USP31: variants seen among roughly 807,000 people sequenced by gnomAD.
USP31 encodes the protein ubiquitin specific peptidase 31.
A neutral mutation model predicts 119.4 loss-of-function variants in USP31; 44 were observed. The observed-to-expected ratio is 0.37, with a 90% CI of 0.29 to 0.47. USP31 has a LOEUF of 0.47. USP31 is among the 20% of genes least tolerant of loss of function. The pLI is 0.99. For synonymous variants in USP31, 749 were observed against 705.6 expected, an observed-to-expected ratio of 1.06 and a Z score of -0.97; for missense variants, 1,643 against 1,730.2, an observed-to-expected ratio of 0.95 and a Z score of 0.89.
intron 1 of USP31, among the ~76,000 whole-genome samples, chr16:23,124,226 A>G (rs532246743): frequency 1.3e-5 from 2 of 152,296 alleles, no homozygotes; most frequent in South Asian, 2.1e-4. Context: ...AGATCAATCA[A>G]TGATGTTCAT....
Position 23,116,381 on chromosome 16 carries a change from T to C in USP31, c.634-8198A>G, listed in dbSNP as rs1051175198. On this transcript the variant is annotated intron_variant, in intron 1 of 15. Coordinates refer to ENST00000219689, the MANE Select transcript of USP31 (RefSeq NM_020718.4). ...AGCACTTGTCTTGAGAAAAGTTTCA[T>C]CTTTTGAATTTTACTTTCAGGACGC... Among the ~76,000 whole-genome samples the C allele has an allele frequency of 3.9e-5, 6 of 152,210 alleles. No individual in the cohort carries two copies. The East Asian group carries it at 9.6e-4, about 24-fold the overall frequency.
chr16:23,136,992 C>A (rs1903213438), intron 1 of USP31, among the ~76,000 whole-genome samples: 1 of 151,960 alleles, frequency 6.6e-6, no homozygotes, highest in Non-Finnish European at 1.5e-5. Context: ...GCGGGTGGAT[C>A]ACTTGAGCCC....
intron 1 of USP31, among the ~76,000 whole-genome samples, chr16:23,130,547 C>T (rs1418564223): frequency 6.6e-6 from 1 of 152,088 alleles, no homozygotes; most frequent in Non-Finnish European, 1.5e-5. Flanking sequence ...TAATGAGGGC[C>T]GGAACTACAG....
chr16:23,115,767 G>A (rs1902467341), intron 1 of USP31: 1 of 983,882 alleles, frequency 1.0e-6, no homozygotes, highest in Admixed American at 6.2e-5. Flanking sequence ...CACTTACCGG[G>A]TTTTCAAGTT....
In USP31 at chr16:23,101,607, G is replaced by A. The variant is rs984813670; in HGVS notation, c.1234+712C>T. 2.0e-5 allele frequency among the ~76,000 whole-genome samples: 3 copies of A among 152,050 alleles called. No homozygotes were observed. In the South Asian group the frequency reaches 6.2e-4, roughly 32 times the overall value. ...TTCTCCTTTACTCGGTGTGGAGTAG[G>A]GACCAAGAATTTGCATTTCTAACCA... On this transcript the variant is annotated intron_variant, in intron 6 of 15. Transcript: ENST00000219689.
chr16:23,092,961 G>A (rs894045648), intron 6 of USP31, among the ~76,000 whole-genome samples: 4 of 152,134 alleles, frequency 2.6e-5, no homozygotes, highest in Non-Finnish European at 2.9e-5. Context: ...ATCAAATGGT[G>A]CTGGGACAAG....
In USP31 at chr16:23,102,390, T is replaced by G; in HGVS notation, c.1163A>C (p.His388Pro). The G allele has an allele frequency of 2.5e-6, 4 of 1,614,024 alleles. No individual in the cohort carries two copies. Among genetic ancestry groups the G allele is most frequent in the Non-Finnish European group, 3.4e-6 (4 of 1,179,928 alleles). ...AAAGGCAAAAATGCAGTCGCTTTCATGGACTGTTTCCAGGTCGTCTGTATC... is the reference window on the plus strand; with the variant it reads ...AAAGGCAAAAATGCAGTCGCTTTCAGGGACTGTTTCCAGGTCGTCTGTATC... Reference protein sequence around the residue: ...FCDTDDLETVHESDCIFAFET... With the variant: ...FCDTDDLETVPESDCIFAFET... The change falls in exon 6 of 16, where the codon CAT becomes CCT. Residue 388 changes from histidine to proline, a missense_variant. Around this residue, in one of 5 missense-constraint regions of USP31, gnomAD observed 219 missense variants for 226.4 expected, o/e 0.97. Coordinates refer to ENST00000219689, the MANE Select transcript of USP31 (RefSeq NM_020718.4).
At position 23,064,135 on chromosome 16, in the gene USP31, T is replaced by C. The variant is rs1243068452; in HGVS notation, c.*3911A>G. 6.6e-6 allele frequency: 1 copy of C among 152,650 alleles called. No individual in the cohort carries two copies. Among genetic ancestry groups the C allele is most frequent in the Non-Finnish European group, 1.5e-5 (1 of 68,038 alleles). 9.5% of individuals were successfully genotyped at this position (152,650 alleles called of 1,614,324 possible). On this transcript the variant is annotated 3_prime_UTR_variant, in exon 16 of 16. Coordinates refer to ENST00000219689, the MANE Select transcript of USP31 (RefSeq NM_020718.4). Reference sequence around the variant, plus strand: ...ACGCACCTCCAGAATACGTGTTTTATTGAAACTGTGCTTATGACTTGCATA... The same window carrying C: ...ACGCACCTCCAGAATACGTGTTTTACTGAAACTGTGCTTATGACTTGCATA...
At position 23,061,742 on chromosome 16, in the gene USP31, T is replaced by C. The variant is rs1899839598; in HGVS notation, c.*6304A>G. The C allele has an allele frequency of 6.6e-6, 1 of 152,494 alleles. No homozygotes were observed. The highest frequency in any genetic ancestry group is 1.5e-5 in the Non-Finnish European group (1 of 68,030). The allele number at this position is 152,494 out of a possible 1,614,324, so 9.4% of individuals were successfully genotyped here. ...CACAGAAATCACTATCCACGGTGCATGAGTAATACCAAAGCACTTTGTGTA... is the reference window on the plus strand; with the variant it reads ...CACAGAAATCACTATCCACGGTGCACGAGTAATACCAAAGCACTTTGTGTA... On this transcript the variant is annotated 3_prime_UTR_variant, in exon 16 of 16. Coordinates refer to ENST00000219689, the MANE Select transcript of USP31 (RefSeq NM_020718.4).
chr16:23,072,228 G>C, intron 14 of USP31, 31 bp from the exon 15 acceptor site: 1 of 1,591,384 alleles, frequency 6.3e-7, no homozygotes, highest in Non-Finnish European at 8.5e-7. Context: ...ATAGAGGTCA[G>C]GCTGGGGTCC....
At position 23,066,701 on chromosome 16, in the gene USP31, C is replaced by T. The variant is rs906727827; in HGVS notation, c.*1345G>A. 1 of 151,952 alleles carries T rather than the reference C, an allele frequency of 6.6e-6. No individual in the cohort carries two copies. Among genetic ancestry groups the T allele is most frequent in the African/African-American group, 2.4e-5 (1 of 41,372 alleles). The allele number at this position is 151,952 out of a possible 1,614,324, so 9.4% of individuals were successfully genotyped here. A position where few individuals can be genotyped will look rare whatever the true frequency, so the allele number is the denominator to read the frequency against. On this transcript the variant is annotated 3_prime_UTR_variant, in exon 16 of 16. Coordinates refer to ENST00000219689, the MANE Select transcript of USP31 (RefSeq NM_020718.4). ...CTAAAAATTGAGCAGGAAAGTATTGCCAGGAGACCTTGAAAAAGCTTGCAA... is the reference window on the plus strand; with the variant it reads ...CTAAAAATTGAGCAGGAAAGTATTGTCAGGAGACCTTGAAAAAGCTTGCAA...
chr16:23,068,918 G>A lies in USP31; in HGVS notation c.3187C>T (p.Pro1063Ser), dbSNP rs1900215428. ...LSSTSPSSPLPVKVSLKPSRS... is the reference protein window; with the variant it reads ...LSSTSPSSPLSVKVSLKPSRS... ...GAGGGCTTTAGAGAGACTTTTACAG[G>A]AAGAGGAGAAGAAGGGGATGTACTT... is the stretch of plus-strand genomic sequence containing the variant. The change falls in exon 16 of 16, where the codon CCT becomes TCT. Residue 1063 changes from proline to serine, a missense_variant. By Grantham distance (74) the Pro-to-Ser change is moderately conservative (BLOSUM62 -1). Around this residue, in one of 5 missense-constraint regions of USP31, gnomAD observed 699 missense variants for 650.9 expected, o/e 1.07. Coordinates refer to ENST00000219689, the MANE Select transcript of USP31 (RefSeq NM_020718.4). The A allele has an allele frequency of 1.2e-6, 2 of 1,613,090 alleles. No individual in the cohort carries two copies. The highest frequency in any genetic ancestry group is 1.7e-6 in the Non-Finnish European group (2 of 1,179,760).
At chr16:23,107,617 A>C (rs1596716475) in intron 2 of USP31, among the ~76,000 whole-genome samples, 1 of 152,212 alleles carries the variant, frequency 6.6e-6, no homozygotes, top group South Asian at 2.1e-4. Context: ...CTCAATAAGA[A>C]CATTCTGGGG....
chr16:23,082,519 C>T lies in USP31; in HGVS notation c.1869G>A (p.Lys623=), dbSNP rs1399252250. ...ACGTAATGCTTCCCTGCTGCAGCTG[C>T]TTACAGTGTGGGCAACGCCAGGCAT... ...PDDAWRCPHC[K]QLQQGSITLS... The change falls in exon 12 of 16, where the codon AAG becomes AAA. Residue 623 remains lysine, a synonymous_variant. Transcript: ENST00000219689. The T allele has an allele frequency of 3.7e-6, 6 of 1,614,206 alleles. No homozygotes were observed. The East Asian group carries it at 6.7e-5, about 18-fold the overall frequency.
At chr16:23,102,268 T>C (rs748278960) in intron 6 of USP31, 51 bp downstream of exon 6, 15 of 1,565,450 alleles carry the variant, frequency 9.6e-6, no homozygotes, top group Non-Finnish European at 1.3e-5. Context: ...AGGTAGACTA[T>C]AGTTAAACCT....
chr16:23,071,079 G>T (rs1900323880), intron 15 of USP31, among the ~76,000 whole-genome samples: 1 of 152,202 alleles, frequency 6.6e-6, no homozygotes, highest in Non-Finnish European at 1.5e-5. Context: ...TCCATAAGAT[G>T]TGAGGAGCCG....
chr16:23,097,507 G>A (rs1432693334), intron 6 of USP31, among the ~76,000 whole-genome samples: 1 of 152,144 alleles, frequency 6.6e-6, no homozygotes, highest in Non-Finnish European at 1.5e-5. Context: ...CCAAAGCCTG[G>A]CAGAGACACA....
chr16:23,077,450 A>G (rs1900625079), intron 13 of USP31, among the ~76,000 whole-genome samples: 1 of 152,222 alleles, frequency 6.6e-6, no homozygotes, highest in African/African-American at 2.4e-5. Context: ...TGAAACAGTG[A>G]GTATGAAAGG....
rs2141826040 is a variant in USP31, at chr16:23,069,388, T to C, written c.2717A>G (p.Lys906Arg). The C allele has an allele frequency of 6.2e-7, 1 of 1,611,314 alleles. No individual in the cohort carries two copies. Among genetic ancestry groups the C allele is most frequent in the Non-Finnish European group, 8.5e-7 (1 of 1,177,754 alleles). ...GCTACCAAAGCAAGAGATGGAGACC[T>C]TGTCATCTGCTGCCTCCCCAATCTT... ...LEKIGEAADD[K>R]VSISCFGSLR... Residue 906 changes from lysine (K) to arginine (R), a missense_variant, in exon 16 of 16, where the codon AAG becomes AGG. Physicochemically the swap from Lys to Arg is conservative, Grantham distance 26 (BLOSUM62 2). Around this residue, in one of 5 missense-constraint regions of USP31, gnomAD observed 699 missense variants for 650.9 expected, o/e 1.07. Coordinates refer to ENST00000219689, the MANE Select transcript of USP31 (RefSeq NM_020718.4).
Sources: gnomAD v4.1 joint callset for allele counts (sites outside exome capture counted in the v4.1 genomes callset) on GRCh38, gnomAD v4.1.1 for gene constraint, gnomAD v4.1.1 regional missense constraint, MANE v1.5 for transcripts, NCBI Gene and HGNC (gene_info 2026-07-23, HGNC 2026-07-21) for gene names.